Variants in DOCK1 observed in about 807,000 individuals in gnomAD.
DOCK1 encodes the protein dedicator of cytokinesis 1, also known as dedicator of cytokinesis protein 1.
DOCK1 carries 138 observed loss-of-function variants against 262.7 expected under a neutral mutation model. That is an observed-to-expected ratio of 0.53 (90% CI 0.46 to 0.61). The LOEUF is 0.61. DOCK1 is among the 20% of genes least tolerant of loss of function. The pLI, the probability that DOCK1 is intolerant of heterozygous loss-of-function variation, is 0.00. For synonymous variants in DOCK1, 866 were observed against 867.4 expected (o/e 1.00, Z 0.03); for missense variants, 1,908 against 2,370.7 (o/e 0.80, Z 4.05).
chr10:127,036,022 A>G (rs1300651263), intron 18 of DOCK1, among the ~76,000 whole-genome samples: 1 of 149,334 alleles, frequency 6.7e-6, no homozygotes, highest in Non-Finnish European at 1.5e-5. Flanking sequence ...AAATAAATAA[A>G]TAAATAAATA....
At chr10:127,355,544 C>G (rs928996257) in intron 32 of DOCK1, among the ~76,000 whole-genome samples, 5 of 152,188 alleles carry the variant, frequency 3.3e-5, no homozygotes, top group Non-Finnish European at 7.3e-5. Flanking sequence ...TGCTTTTCTG[C>G]CCCAGGATCT....
At chr10:127,049,408 C>T (rs1823800119) in intron 21 of DOCK1, among the ~76,000 whole-genome samples, 2 of 152,062 alleles carry the variant, frequency 1.3e-5, no homozygotes, top group South Asian at 4.1e-4. Flanking sequence ...GTAATCCCAG[C>T]TACTTGGGAG....
chr10:127,427,123 G>C (rs1231469937), intron 47 of DOCK1, among the ~76,000 whole-genome samples: 1 of 152,232 alleles, frequency 6.6e-6, no homozygotes, highest in African/African-American at 2.4e-5. Flanking sequence ...GGGATGAGGG[G>C]CAATGTGGCA....
rs755087417 is a variant in DOCK1 at position 127,404,336 on chromosome 10, T to C, written c.4029T>C (p.Ala1343=). 4.3e-6 allele frequency: 7 copies of C among 1,613,372 alleles called. No homozygotes were observed. Among genetic ancestry groups the C allele is most frequent in the Admixed American group, 1.7e-5 (1 of 59,966 alleles). ...TTTTTTCCTTCCAGAAAAAACAGGC[T>C]CAGTTTTATGAAAACATCGTCAAAG... is the stretch of plus-strand genomic sequence containing the variant. The part of the protein sequence containing the change: ...EQLSELLKKQ[A]QFYENIVKVI... The change falls in exon 40 of 52, where the codon GCT becomes GCC. Residue 1343 remains alanine, a synonymous_variant. Coordinates refer to ENST00000623213, the MANE Select transcript of DOCK1 (RefSeq NM_001290223.2).
intron 1 of DOCK1, among the ~76,000 whole-genome samples, chr10:126,961,999 G>A (rs1463421108): frequency 6.6e-6 from 1 of 151,992 alleles, no homozygotes. Flanking sequence ...TTTGGTTTTT[G>A]CTTTTTTTAT....
intron 27 of DOCK1, among the ~76,000 whole-genome samples, chr10:127,224,895 G>T (rs1380539111): frequency 6.6e-6 from 1 of 152,094 alleles, no homozygotes. Context: ...AGACGATGGA[G>T]CCATTGAGTA....
At chr10:126,978,052 A>G (rs41282852) in intron 3 of DOCK1, 64 bp downstream of exon 3, 81,636 of 1,470,548 alleles carry the variant, frequency 0.056, 2,609 homozygotes, top group Middle Eastern at 0.096. Context: ...GAGGAAATCA[A>G]TTCCATCTCA....
chr10:127,337,053 G>A (rs977286494), intron 29 of DOCK1, among the ~76,000 whole-genome samples: 1 of 151,916 alleles, frequency 6.6e-6, no homozygotes, highest in South Asian at 2.1e-4. Context: ...GGACCCTAGG[G>A]TACTCTGCAA....
chr10:127,329,589 G>A (rs529426312), intron 29 of DOCK1, among the ~76,000 whole-genome samples: 63 of 152,056 alleles, frequency 4.1e-4, no homozygotes, highest in African/African-American at 1.3e-3. Flanking sequence ...TTTATTTGCC[G>A]GGATGGAGTC....
intron 4 of DOCK1, among the ~76,000 whole-genome samples, chr10:126,983,155 G>A (rs1258430994): frequency 3.3e-5 from 5 of 152,144 alleles, no homozygotes; most frequent in Non-Finnish European, 4.4e-5. Context: ...ATGGTGAAAT[G>A]AACAGTTTAG....
chr10:126,909,236 G>A (rs554151922), intron 1 of DOCK1, among the ~76,000 whole-genome samples: 106 of 152,198 alleles, frequency 7.0e-4, no homozygotes, highest in Non-Finnish European at 1.4e-3. Context: ...AGGGAGCTAC[G>A]GGAGGCCCCT....
intron 23 of DOCK1, among the ~76,000 whole-genome samples, chr10:127,093,236 TTTC>T (rs1347877602): frequency 8.6e-5 from 10 of 116,194 alleles, no homozygotes; most frequent in African/African-American, 2.5e-4. Flanking sequence ...TCTTTCTTTC[TTTC>T]TTCTTTTTTT....
intron 43 of DOCK1, among the ~76,000 whole-genome samples, chr10:127,414,935 A>G (rs1259232642): frequency 6.6e-6 from 1 of 152,216 alleles, no homozygotes; most frequent in Non-Finnish European, 1.5e-5. Context: ...GCTAGGGGAC[A>G]GGGGATACTT....
chr10:127,285,787 C>T (rs563134301), intron 29 of DOCK1, among the ~76,000 whole-genome samples: 1 of 152,324 alleles, frequency 6.6e-6, no homozygotes, highest in Non-Finnish European at 1.5e-5. Flanking sequence ...TGTGCTTCCA[C>T]AGTCTAACCC....
chr10:127,016,837 T>A (rs796407034), intron 12 of DOCK1, among the ~76,000 whole-genome samples: 26 of 133,278 alleles, frequency 2.0e-4, no homozygotes, highest in South Asian at 4.8e-4. Context: ...ACACTACACA[T>A]ACACACACAC....
At chr10:126,964,076 A>C (rs1240659112) in intron 1 of DOCK1, among the ~76,000 whole-genome samples, 1 of 152,162 alleles carries the variant, frequency 6.6e-6, no homozygotes, top group Non-Finnish European at 1.5e-5. Flanking sequence ...CTAGTAGTAC[A>C]GTGGGTAATG....
At chr10:127,048,976 ATC>A (rs2044527015) in intron 21 of DOCK1, among the ~76,000 whole-genome samples, 1 of 152,164 alleles carries the variant, frequency 6.6e-6, no homozygotes, top group African/African-American at 2.4e-5. Flanking sequence ...TTCTTACTAT[ATC>A]TGTTTATTAT....
At chr10:126,979,255 A>G (rs554909555) in intron 3 of DOCK1, among the ~76,000 whole-genome samples, 10 of 152,258 alleles carry the variant, frequency 6.6e-5, no homozygotes, top group Middle Eastern at 6.8e-3. Context: ...GCCCAAAGAT[A>G]TGCACCTGTA....
intron 23 of DOCK1, among the ~76,000 whole-genome samples, chr10:127,105,736 G>C (rs12250893): frequency 0.22 from 34,114 of 151,994 alleles, 5,464 homozygotes; most frequent in African/African-American, 0.46. Context: ...AGTTAGCATT[G>C]TTTGAGCATT....
Sources: gnomAD v4.1 joint callset for allele counts (sites outside exome capture counted in the v4.1 genomes callset) on GRCh38, gnomAD v4.1.1 for gene constraint, MANE v1.5 for transcripts, NCBI Gene and HGNC (gene_info 2026-07-23, HGNC 2026-07-21) for gene names.